NBAS: variants seen among roughly 807,000 people sequenced by gnomAD.
The protein encoded by NBAS is NAG/BC035112 fusion.
In NBAS, 219 loss-of-function variants were observed where a neutral mutation model predicts 302.5. The ratio of observed to expected loss-of-function variants is 0.72; its 90% confidence interval spans 0.65 to 0.81. NBAS has a LOEUF of 0.81. NBAS is among the 30% of genes least tolerant of loss of function. The pLI is 0.00. For missense variants in NBAS, 2,932 were observed against 2,841.6 expected, an observed-to-expected ratio of 1.03 and a Z score of -0.72; for synonymous variants, 1,118 against 1,021.6, an observed-to-expected ratio of 1.09 and a Z score of -1.80.
intron 28 of NBAS, among the ~76,000 whole-genome samples, chr2:15,388,794 T>G (rs1213753741): frequency 1.3e-5 from 2 of 152,216 alleles, no homozygotes; most frequent in South Asian, 4.1e-4. Flanking sequence ...ATGGAATACT[T>G]CCCAACATTG....
At position 15,417,541 on chromosome 2, in the gene NBAS, A is replaced by G. The variant is rs1360889529; in HGVS notation, c.2749T>C (p.Leu917=). Residue 917 remains leucine (L), a synonymous_variant, in exon 24 of 52, where the codon TTA becomes CTA. Coordinates refer to ENST00000281513, the MANE Select transcript of NBAS (RefSeq NM_015909.4). ...QQMKDIEKLR[L]LMNSCSEDKY... is the part of the protein sequence containing the mutation. ...ATAAAACCTACACTATTCATCAGTA[A>G]TCTTAGTTTTTCAATGTCTTTCATC... 5.0e-6 allele frequency: 8 copies of G among 1,613,016 alleles called. No homozygotes were observed. Among genetic ancestry groups the G allele is most frequent in the Non-Finnish European group, 6.8e-6 (8 of 1,179,214 alleles).
chr2:15,278,944 T>C (rs1481796408), intron 42 of NBAS, among the ~76,000 whole-genome samples: 1 of 152,136 alleles, frequency 6.6e-6, no homozygotes, highest in Non-Finnish European at 1.5e-5. Flanking sequence ...ACAGTGAATA[T>C]AAATGGCTGG....
chr2:15,093,247 C>T, the NBAS span, among the ~76,000 whole-genome samples: 7 of 152,244 alleles, frequency 4.6e-5, no homozygotes, highest in African/African-American at 1.7e-4. Context: ...AAAACCCCGT[C>T]TCTACTAAAA....
At chr2:15,089,938 C>T in the NBAS span, among the ~76,000 whole-genome samples, 1 of 151,658 alleles carries the variant, frequency 6.6e-6, no homozygotes, top group Non-Finnish European at 1.5e-5. Context: ...TTAGTAGAGA[C>T]GGGGTTTCAC....
chr2:15,427,481 A>T (rs191852975), intron 22 of NBAS, among the ~76,000 whole-genome samples: 1 of 152,344 alleles, frequency 6.6e-6, no homozygotes, highest in Admixed American at 6.5e-5. Flanking sequence ...AAATGAAAAC[A>T]GTTGTTGTAA....
chr2:14,822,453 T>C, the NBAS span, among the ~76,000 whole-genome samples: 1 of 152,208 alleles, frequency 6.6e-6, no homozygotes, highest in Non-Finnish European at 1.5e-5. Flanking sequence ...GAGAGTCTGA[T>C]ACATAGTATG....
chr2:15,395,903 C>G (rs1252548955), intron 27 of NBAS, among the ~76,000 whole-genome samples: 1 of 152,128 alleles, frequency 6.6e-6, no homozygotes, highest in East Asian at 1.9e-4. Flanking sequence ...TTTATTACAA[C>G]AGTAGAGAAT....
chr2:14,855,530 G>C, the NBAS span, among the ~76,000 whole-genome samples: 21 of 152,208 alleles, frequency 1.4e-4, no homozygotes, highest in East Asian at 4.1e-3. Flanking sequence ...GGCCAGAAAG[G>C]GAGCCCATTG....
chr2:15,117,893 C>A, the NBAS span, among the ~76,000 whole-genome samples: 291 of 152,298 alleles, frequency 1.9e-3, 1 homozygote, highest in African/African-American at 5.9e-3. Context: ...AGACAGAATA[C>A]ACAGGCTACA....
the NBAS span, among the ~76,000 whole-genome samples, chr2:15,042,982 C>A: frequency 6.6e-6 from 1 of 152,280 alleles, no homozygotes; most frequent in East Asian, 1.9e-4. Context: ...CATTAACAAG[C>A]GGCTGTGGCT....
In NBAS at chr2:15,487,492, A is replaced by G. The variant is rs141611833; in HGVS notation, c.1083+1402T>C. On this transcript the variant is annotated intron_variant, in intron 12 of 51. Coordinates refer to ENST00000281513, the MANE Select transcript of NBAS (RefSeq NM_015909.4). ...AGATGTGACATTCTGCAAAGACTGTATTTTCCATCAGTGTTTGGTTGAAGA... is the reference window on the plus strand; with the variant it reads ...AGATGTGACATTCTGCAAAGACTGTGTTTTCCATCAGTGTTTGGTTGAAGA... Among the ~76,000 whole-genome samples, 122 of 152,258 alleles carry G rather than the reference A, an allele frequency of 8.0e-4. No individual in the cohort carries two copies. The East Asian group carries it at 0.021, about 27-fold the overall frequency.
At chr2:15,360,703 A>T (rs1170203303) in intron 32 of NBAS, among the ~76,000 whole-genome samples, 1 of 148,836 alleles carries the variant, frequency 6.7e-6, no homozygotes, top group Non-Finnish European at 1.5e-5. Flanking sequence ...AAATACTAAG[A>T]CACAAACACA....
At chr2:15,282,748 G>C (rs1232346431) in intron 42 of NBAS, among the ~76,000 whole-genome samples, 3 of 152,202 alleles carry the variant, frequency 2.0e-5, no homozygotes, top group Non-Finnish European at 4.4e-5. Context: ...GAAGGGAAAA[G>C]ATGGAAGGTA....
At position 15,554,125 on chromosome 2, in the gene NBAS, A is replaced by G. The variant is rs1313136962; in HGVS notation, c.223T>C (p.Leu75=). 6.2e-7 allele frequency: 1 copy of G among 1,613,620 alleles called. No homozygotes were observed. The highest frequency in any genetic ancestry group is 1.7e-5 in the Admixed American group (1 of 59,982). Reference sequence around the variant, plus strand: ...AAGCGAACCAGTCCATCAGGGAGCAAAAAAGGTGCCGGGCTGAAATCACAA... The same window carrying G: ...AAGCGAACCAGTCCATCAGGGAGCAGAAAAGGTGCCGGGCTGAAATCACAA... ...QYIWYSPAPF[L]LPDGLVRLVN... The change falls in exon 4 of 52, where the codon TTG becomes CTG. Residue 75 remains leucine (L), a synonymous_variant. Transcript: ENST00000281513.
chr2:15,342,906 T>A (rs1289232016), intron 35 of NBAS, among the ~76,000 whole-genome samples: 1 of 151,564 alleles, frequency 6.6e-6, no homozygotes. Context: ...CATTATAAAC[T>A]CCAGTCAACA....
rs1668299968 is a variant in NBAS, at chr2:15,250,253, T to G, written c.5725-11567A>C. On this transcript the variant is annotated intron_variant, in intron 44 of 51. Coordinates refer to ENST00000281513, the MANE Select transcript of NBAS (RefSeq NM_015909.4). ...AATAAATGATGTTGGGAAAACTGGCTAGGCATATGCAGAAAGCTGAAACTG... is the reference window on the plus strand; with the variant it reads ...AATAAATGATGTTGGGAAAACTGGCGAGGCATATGCAGAAAGCTGAAACTG... 2.0e-5 allele frequency among the ~76,000 whole-genome samples: 3 copies of G among 152,336 alleles called. No individual in the cohort carries two copies. In the South Asian group the frequency reaches 6.2e-4, roughly 32 times the overall value.
At chr2:15,271,331 T>C (rs1669311148) in intron 44 of NBAS, among the ~76,000 whole-genome samples, 1 of 152,142 alleles carries the variant, frequency 6.6e-6, no homozygotes, top group Non-Finnish European at 1.5e-5. Context: ...TCAATAGAAA[T>C]GAGTTTGAAG....
intron 29 of NBAS, among the ~76,000 whole-genome samples, chr2:15,380,399 G>T (rs1437865807): frequency 6.6e-6 from 1 of 151,976 alleles, no homozygotes; most frequent in African/African-American, 2.4e-5. Context: ...TTTCTTAAAA[G>T]AAAAATCTTT....
chr2:15,343,268 G>A (rs1011777714), intron 35 of NBAS, among the ~76,000 whole-genome samples: 18 of 152,064 alleles, frequency 1.2e-4, no homozygotes, highest in Admixed American at 7.2e-4. Context: ...GGGAAACAAC[G>A]TCATATGAAA....
Sources: gnomAD v4.1 joint callset for allele counts (sites outside exome capture counted in the v4.1 genomes callset) on GRCh38, gnomAD v4.1.1 for gene constraint, MANE v1.5 for transcripts, NCBI Gene and HGNC (gene_info 2026-07-23, HGNC 2026-07-21) for gene names.